The following PPA2 variants were observed in gnomAD, a reference collection of about 807,000 sequenced individuals.
PPA2 encodes the protein inorganic pyrophosphatase 2, also known as inorganic pyrophosphatase 2, mitochondrial.
A neutral mutation model predicts 49.5 loss-of-function variants in PPA2; 48 were observed. The observed-to-expected ratio is 0.97, with a 90% CI of 0.77 to 1.23. The LOEUF (loss-of-function observed/expected upper bound fraction) is 1.23. PPA2 is among the 50% of genes most tolerant of loss of function. The probability of loss-of-function intolerance (pLI) is 0.00; values close to 1 mark genes in which losing one functional copy is unlikely to be tolerated. For synonymous variants in PPA2, 131 were observed against 139.9 expected, an observed-to-expected ratio of 0.94 and a Z score of 0.45; for missense variants, 429 against 410.1, an observed-to-expected ratio of 1.05 and a Z score of -0.40.
chr4:105,438,030 C>G lies in PPA2; in HGVS notation c.448G>C (p.Glu150Gln). The change falls in exon 6 of 12, where the codon GAA becomes CAA. Residue 150 changes from glutamate (E) to glutamine (Q), a missense_variant. Glu to Gln is a conservative substitution (Grantham distance 29, BLOSUM62 2). Transcript: ENST00000341695. ...WNYGTLPQTW[E>Q]DPHEKDKSTN... ...CTCTTATCTTTTTCATGGGGATCTT[C>G]CCAAGTCTAAAATTTTTTTTTTAAA... is the stretch of plus-strand genomic sequence containing the variant. 6.2e-7 allele frequency: 1 copy of G among 1,600,286 alleles called. No individual in the cohort carries two copies.
chr4:105,446,093 T>C (rs1479626363), intron 5 of PPA2: 4 of 243,606 alleles, frequency 1.6e-5, no homozygotes, highest in Non-Finnish European at 3.1e-5. Context: ...CGCTTAAAAG[T>C]TTTTCACTGA....
chr4:105,370,471 C>A (rs1732977515), intron 11 of PPA2: 1 of 351,152 alleles, frequency 2.8e-6, no homozygotes, highest in African/African-American at 2.2e-5. Flanking sequence ...TTAAGATCTT[C>A]AGCTAAAATA....
At chr4:105,465,736 G>A (rs1421598861) in intron 1 of PPA2, among the ~76,000 whole-genome samples, 1 of 152,192 alleles carries the variant, frequency 6.6e-6, no homozygotes, top group African/African-American at 2.4e-5. Context: ...TTGCAGGCCT[G>A]TTAGCTGACC....
chr4:105,376,021 G>T (rs1733234822), intron 10 of PPA2, among the ~76,000 whole-genome samples: 2 of 152,130 alleles, frequency 1.3e-5, no homozygotes, highest in African/African-American at 4.8e-5. Context: ...ACATGGCTTT[G>T]GTGTGATTTT....
chr4:105,461,367 G>A (rs995238630), intron 1 of PPA2, among the ~76,000 whole-genome samples: 1 of 152,196 alleles, frequency 6.6e-6, no homozygotes, highest in Admixed American at 6.5e-5. Flanking sequence ...AACCCTCACT[G>A]CACATTCTCC....
At chr4:105,398,988 T>A (rs765093261) in intron 8 of PPA2, 49 bp downstream of exon 8, 5 of 1,567,296 alleles carry the variant, frequency 3.2e-6, no homozygotes, top group African/African-American at 1.4e-5. Context: ...AAACGAATAT[T>A]GTACAGGTAT....
intron 1 of PPA2, among the ~76,000 whole-genome samples, chr4:105,462,553 T>C (rs963673228): frequency 3.0e-4 from 46 of 152,346 alleles, no homozygotes; most frequent in African/African-American, 1.0e-3. Context: ...TGTTTATCAA[T>C]TGTAGAAATT....
At chr4:105,449,513 G>T in intron 3 of PPA2, 110 bp from the exon 4 acceptor site, 1 of 623,208 alleles carries the variant, frequency 1.6e-6, no homozygotes. Flanking sequence ...CAAAAAAAAT[G>T]TTGAGTCTCC....
At chr4:105,403,502 G>T (rs542874430) in intron 7 of PPA2, among the ~76,000 whole-genome samples, 226 of 152,210 alleles carry the variant, frequency 1.5e-3, no homozygotes, top group African/African-American at 5.2e-3. Flanking sequence ...ATAAAAATAT[G>T]TTTTATAAAT....
intron 7 of PPA2, chr4:105,405,077 C>T (rs545327786): frequency 1.6e-4 from 69 of 423,528 alleles, no homozygotes; most frequent in East Asian, 6.3e-4. Flanking sequence ...AGTGAGACTC[C>T]GCCTCAAAAA....
At chr4:105,409,043 G>C (rs1018983252) in intron 7 of PPA2, among the ~76,000 whole-genome samples, 4 of 152,190 alleles carry the variant, frequency 2.6e-5, no homozygotes, top group African/African-American at 4.8e-5. Flanking sequence ...ATCTCATTGG[G>C]ACTGGTTGGA....
rs70964651 is a variant in PPA2, at chr4:105,379,466, T to TAGATAGATA, written c.939+7100_939+7101insTATCTATCT. 7.5e-3 allele frequency among the ~76,000 whole-genome samples: 731 copies of TAGATAGATA among 97,858 alleles called. 5 individuals are homozygous for TAGATAGATA. Among genetic ancestry groups the TAGATAGATA allele is most frequent in the Middle Eastern group, 0.027 (5 of 184 alleles). The allele number at this position is 97,858 out of a possible 152,430, so 64.2% of individuals were successfully genotyped here. ...ATAGATAGATAGATAGATAGATAGA[T>TAGATAGATA]ATCTCAAGCAACTATTTTTATATAC... On this transcript the variant is annotated intron_variant, in intron 10 of 11. Transcript: ENST00000341695.
intron 7 of PPA2, among the ~76,000 whole-genome samples, chr4:105,407,919 T>G (rs1486277389): frequency 6.6e-6 from 1 of 152,172 alleles, no homozygotes; most frequent in East Asian, 1.9e-4. Context: ...AATGTGATAG[T>G]TGCTAGAAGA....
intron 7 of PPA2, among the ~76,000 whole-genome samples, chr4:105,414,196 A>C (rs988946820): frequency 6.6e-6 from 1 of 152,252 alleles, no homozygotes; most frequent in African/African-American, 2.4e-5. Flanking sequence ...ATTATTTAGG[A>C]AGCATTTACT....
intron 1 of PPA2, among the ~76,000 whole-genome samples, chr4:105,470,812 T>A (rs1345847089): frequency 2.0e-5 from 3 of 152,226 alleles, no homozygotes; most frequent in African/African-American, 4.8e-5. Context: ...CCGGATGTCA[T>A]CTGAAGGTAA....
chr4:105,408,391 C>A (rs1362528530), intron 7 of PPA2, among the ~76,000 whole-genome samples: 1 of 152,082 alleles, frequency 6.6e-6, no homozygotes, highest in African/African-American at 2.4e-5. Flanking sequence ...AGCTCTGAGT[C>A]AAAACCTTTT....
intron 6 of PPA2, among the ~76,000 whole-genome samples, chr4:105,428,357 C>T (rs1375244810): frequency 6.6e-6 from 1 of 152,110 alleles, no homozygotes. Context: ...CAATATTAAT[C>T]TTAACTGTAA....
intron 6 of PPA2, among the ~76,000 whole-genome samples, chr4:105,431,089 G>C (rs771689696): frequency 1.3e-5 from 2 of 152,156 alleles, no homozygotes; most frequent in Non-Finnish European, 2.9e-5. Context: ...AGAGGGTTGG[G>C]AGTGTCAAAG....
intron 8 of PPA2, among the ~76,000 whole-genome samples, chr4:105,397,338 C>G (rs1448225222): frequency 6.6e-6 from 1 of 152,120 alleles, no homozygotes; most frequent in East Asian, 1.9e-4. Flanking sequence ...TAGTGTTGGG[C>G]GGGAATCTCA....
Sources: gnomAD v4.1 joint callset for allele counts (sites outside exome capture counted in the v4.1 genomes callset) on GRCh38, gnomAD v4.1.1 for gene constraint, MANE v1.5 for transcripts, NCBI Gene and HGNC (gene_info 2026-07-23, HGNC 2026-07-21) for gene names.